The following ACSL1 variants were observed in gnomAD, a reference collection of about 807,000 sequenced individuals.
ACSL1 encodes long-chain-fatty-acid--CoA ligase 1.
ACSL1 carries 41 observed loss-of-function variants against 98.4 expected under a neutral mutation model. The observed-to-expected ratio is 0.42, with a 90% CI of 0.32 to 0.54. ACSL1 has a LOEUF of 0.54. ACSL1 is among the 20% of genes least tolerant of loss of function. The pLI is 0.13. For missense variants in ACSL1, 734 were observed against 883.1 expected (o/e 0.83, Z 2.14); for synonymous variants, 316 against 322.7 (o/e 0.98, Z 0.22).
chr4:184,811,364 G>A (rs999869372), intron 1 of ACSL1, among the ~76,000 whole-genome samples: 16 of 151,966 alleles, frequency 1.1e-4, no homozygotes, highest in South Asian at 4.1e-4. Context: ...TGCCCGCCTT[G>A]GCCTCCCAAA....
At position 184,766,965 on chromosome 4, in the gene ACSL1, T is replaced by A. The variant is rs1288428615; in HGVS notation, c.1129-209A>T. 2.6e-5 allele frequency among the ~76,000 whole-genome samples: 4 copies of A among 152,068 alleles called. No individual in the cohort carries two copies. Among genetic ancestry groups the A allele is most frequent in the African/African-American group, 9.7e-5 (4 of 41,408 alleles). ...TATACACCCAGGAGCAATGGACACA[T>A]ACATCCCCAAATGCCCATCGAGTAG... On this transcript the variant is annotated intron_variant, in intron 12 of 20. Coordinates refer to ENST00000281455, the MANE Select transcript of ACSL1 (RefSeq NM_001995.5). The surrounding 1 kb of genome is among the most constrained non-coding windows in gnomAD (Gnocchi z 4.8).
intron 1 of ACSL1, chr4:184,820,934 G>C (rs1773021177): frequency 4.6e-6 from 2 of 435,886 alleles, no homozygotes; most frequent in Non-Finnish European, 9.3e-6. Flanking sequence ...CTCTGGAGGG[G>C]CAGTAGAGCC....
chr4:184,817,633 C>G (rs1772740226), intron 1 of ACSL1, among the ~76,000 whole-genome samples: 1 of 152,116 alleles, frequency 6.6e-6, no homozygotes, highest in African/African-American at 2.4e-5. Flanking sequence ...GCGTGCCACA[C>G]CTGGGAGGCA....
chr4:184,811,392 G>T (rs911442795), intron 1 of ACSL1, among the ~76,000 whole-genome samples: 1 of 152,210 alleles, frequency 6.6e-6, no homozygotes, highest in South Asian at 2.1e-4. Flanking sequence ...GATTACAGGT[G>T]TGAGCCACCG....
chr4:184,773,518 G>C lies in ACSL1; in HGVS notation c.841+145C>G, dbSNP rs377533023. 2.7e-5 allele frequency: 20 copies of C among 737,936 alleles called. No individual in the cohort carries two copies. In the East Asian group the frequency reaches 5.4e-4, roughly 20 times the overall value. The allele number at this position is 737,936 out of a possible 1,614,324, so 45.7% of individuals were successfully genotyped here. A position where few individuals can be genotyped will look rare whatever the true frequency, so the allele number is the denominator to read the frequency against. On this transcript the variant is annotated intron_variant, in intron 9 of 20. Transcript: ENST00000281455. The surrounding 1 kb of genome is among the most constrained non-coding windows in gnomAD (Gnocchi z 4.3). ...TTGGACTCTGAGAAGATCTTACAGA[G>C]CAACAAGAAGACAGCACTTGAACCG...
At chr4:184,805,485 G>A in intron 1 of ACSL1, 1 of 985,454 alleles carries the variant, frequency 1.0e-6, no homozygotes, top group Non-Finnish European at 1.2e-6. Flanking sequence ...TTCAGGCCAT[G>A]GTTCTGGAAA....
At chr4:184,818,032 TG>T (rs1772772961) in intron 1 of ACSL1, among the ~76,000 whole-genome samples, 1 of 152,176 alleles carries the variant, frequency 6.6e-6, no homozygotes, top group South Asian at 2.1e-4. Flanking sequence ...GAGTCTAACC[TG>T]GGAGTCTGGG....
chr4:184,814,419 C>T (rs1019216128), intron 1 of ACSL1, among the ~76,000 whole-genome samples: 2 of 151,934 alleles, frequency 1.3e-5, no homozygotes, highest in Non-Finnish European at 2.9e-5. Context: ...ACAATCCTGG[C>T]GTCCAGGACT....
At chr4:184,779,223 A>G (rs529879626) in intron 5 of ACSL1, among the ~76,000 whole-genome samples, 1 of 152,242 alleles carries the variant, frequency 6.6e-6, no homozygotes, top group Admixed American at 6.5e-5. Flanking sequence ...TGGGGGAGGT[A>G]ATTGAATCAT....
Position 184,825,406 on chromosome 4 carries a change from T to C in ACSL1, c.-33+510A>G. On this transcript the variant is annotated intron_variant, in intron 1 of 20. Coordinates refer to ENST00000281455, the MANE Select transcript of ACSL1 (RefSeq NM_001995.5). This position sits in a 1 kb window ranked among gnomAD's most constrained non-coding sequence, Gnocchi z 4.7. ...GCCTCTGAGCTGCCTGTGGGCCTCG[T>C]GCCGCCGCGCTGCGTGGGGCCGGCA... 7.7e-6 allele frequency: 2 copies of C among 259,908 alleles called. No homozygotes were observed. The highest frequency in any genetic ancestry group is 1.2e-5 in the Non-Finnish European group (2 of 166,958). 16.1% of individuals were successfully genotyped at this position (259,908 alleles called of 1,614,324 possible). A position where few individuals can be genotyped will look rare whatever the true frequency, so the allele number is the denominator to read the frequency against.
At chr4:184,778,342 T>C (rs1472194947) in intron 5 of ACSL1, among the ~76,000 whole-genome samples, 1 of 152,226 alleles carries the variant, frequency 6.6e-6, no homozygotes, top group Non-Finnish European at 1.5e-5. Flanking sequence ...GTTTCGGTTT[T>C]TTCCCAGAAG....
rs1764844292 is a variant in ACSL1, at chr4:184,773,705, GT to G, written c.798del (p.Pro267LeufsTer6). The G allele has an allele frequency of 6.2e-7, 1 of 1,609,458 alleles. No individual in the cohort carries two copies. The highest frequency in any genetic ancestry group is 1.4e-5 in the African/African-American group (1 of 73,766). Reference sequence around the variant, plus strand: ...AAACAAATTACTGCAAGATCTTCAGGTGCTGGAGGCTAAAGATTAAAAAAAA... The same window carrying G: ...AAACAAATTACTGCAAGATCTTCAGGGCTGGAGGCTAAAGATTAAAAAAAA... ...RANRRKPKPP[A>X]PEDLAVICFT... On this transcript the variant is annotated frameshift_variant, in exon 9 of 21. Coordinates refer to ENST00000281455, the MANE Select transcript of ACSL1 (RefSeq NM_001995.5). LOFTEE classifies it high-confidence loss of function. This position sits in a 1 kb window ranked among gnomAD's most constrained non-coding sequence, Gnocchi z 4.3.
intron 1 of ACSL1, among the ~76,000 whole-genome samples, chr4:184,818,058 C>G (rs1368468680): frequency 2.6e-5 from 4 of 152,176 alleles, no homozygotes; most frequent in African/African-American, 7.2e-5. Flanking sequence ...TCAGCCACCC[C>G]CTCAAGAACT....
chr4:184,768,463 T>C lies in ACSL1; in HGVS notation c.994-13A>G. On this transcript the variant is annotated splice_polypyrimidine_tract_variant and intron_variant, in intron 11 of 20. Coordinates refer to ENST00000281455, the MANE Select transcript of ACSL1 (RefSeq NM_001995.5). Reference sequence around the variant, plus strand: ...ACAGCATTACACACTATAGGGGTAATGGAAAAAACAAACATTTTATCACCA... The same window carrying C: ...ACAGCATTACACACTATAGGGGTAACGGAAAAAACAAACATTTTATCACCA... 1.3e-6 allele frequency: 2 copies of C among 1,598,532 alleles called. No homozygotes were observed. Among genetic ancestry groups the C allele is most frequent in the South Asian group, 1.1e-5 (1 of 87,956 alleles).
At chr4:184,811,812 TTA>T (rs1772142627) in intron 1 of ACSL1, among the ~76,000 whole-genome samples, 1 of 152,136 alleles carries the variant, frequency 6.6e-6, no homozygotes, top group Non-Finnish European at 1.5e-5. Context: ...ATGACAAATT[TTA>T]TGTTATATAT....
rs763520587 is a variant in ACSL1, at chr4:184,766,725, C to A, written c.1160G>T (p.Arg387Leu). 3 of 1,613,768 alleles carry A rather than the reference C, an allele frequency of 1.9e-6. No homozygotes were observed. In the African/African-American group the frequency reaches 4.0e-5, roughly 22 times the overall value. Residue 387 changes from arginine (R) to leucine (L), a missense_variant, in exon 13 of 21, where the codon CGA (arginine) becomes CTA (leucine). Physicochemically the swap from Arg to Leu is moderately radical, Grantham distance 102. Transcript: ENST00000281455. The surrounding 1 kb of genome is among the most constrained non-coding windows in gnomAD (Gnocchi z 4.8). ...CTTGGAGGCAAAGTCCAAGAGCCAT[C>A]GCTTCAGCGTGGTGTTTGCTTGTCC... The part of the protein sequence containing the change: ...IFGQANTTLK[R>L]WLLDFASKRK...
intron 2 of ACSL1, among the ~76,000 whole-genome samples, chr4:184,797,622 T>A (rs56851466): frequency 6.6e-6 from 1 of 152,206 alleles, no homozygotes; most frequent in African/African-American, 2.4e-5. Flanking sequence ...CCTGGATATG[T>A]TGCCTTTAGT....
intron 4 of ACSL1, among the ~76,000 whole-genome samples, chr4:184,783,249 T>C (rs1387896280): frequency 1.3e-5 from 2 of 152,322 alleles, no homozygotes; most frequent in East Asian, 3.9e-4. Flanking sequence ...TTTCAACAGC[T>C]GTAGCCGTTG....
In ACSL1 at chr4:184,763,272, C is replaced by A. The variant is rs1274876494; in HGVS notation, c.1433-17G>T. 4 of 1,606,942 alleles carry A rather than the reference C, an allele frequency of 2.5e-6. No individual in the cohort carries two copies. The African/African-American group carries it at 4.0e-5, about 16-fold the overall frequency. On this transcript the variant is annotated splice_polypyrimidine_tract_variant and intron_variant, in intron 15 of 20. Coordinates refer to ENST00000281455, the MANE Select transcript of ACSL1 (RefSeq NM_001995.5). Reference sequence around the variant, plus strand: ...CAACATGGCCTGTATATTAAATAAGCAAATGGTCATTCCTAAGGGAACTAC... The same window carrying A: ...CAACATGGCCTGTATATTAAATAAGAAAATGGTCATTCCTAAGGGAACTAC...
Sources: allele counts gnomAD v4.1 joint callset (sites outside exome capture counted in the v4.1 genomes callset), GRCh38; gene constraint gnomAD v4.1.1; non-coding constraint Gnocchi (gnomAD v3.1); transcripts MANE v1.5; gene names NCBI Gene and HGNC (gene_info 2026-07-23, HGNC 2026-07-21).